Variants in MMAA observed in about 807,000 individuals in gnomAD.
The protein encoded by MMAA is metabolism of cobalamin associated A, also known as methylmalonic aciduria type A protein, mitochondrial.
In MMAA, 41 loss-of-function variants were observed where a neutral mutation model predicts 45.0. The ratio of observed to expected loss-of-function variants is 0.91; its 90% CI spans 0.71 to 1.18. The LOEUF is 1.18. Ranked by LOEUF, MMAA falls within the 50% of genes most tolerant of loss-of-function variation. The pLI, the probability that MMAA is intolerant of heterozygous loss-of-function variation, is 0.00. For synonymous variants in MMAA, 154 were observed against 178.2 expected, an observed-to-expected ratio of 0.86 and a Z score of 1.08; for missense variants, 460 against 495.7, an observed-to-expected ratio of 0.93 and a Z score of 0.68.
rs1027009305 is a variant in MMAA at position 145,657,787 on chromosome 4, T to C, written c.*2353T>C. 1 of 152,234 alleles carries C rather than the reference T, an allele frequency of 6.6e-6. No individual in the cohort carries two copies. Among genetic ancestry groups the C allele is most frequent in the Non-Finnish European group, 1.5e-5 (1 of 68,048 alleles). 9.4% of individuals were successfully genotyped at this position (152,234 alleles called of 1,614,324 possible). On this transcript the variant is annotated 3_prime_UTR_variant, in exon 7 of 7. Coordinates refer to ENST00000649156, the MANE Select transcript of MMAA (RefSeq NM_172250.3). ...CACTATTAAATGGGGATGACAATAGTGTCCACCTAGAGCAGGACTATTTTA... is the reference window on the plus strand; with the variant it reads ...CACTATTAAATGGGGATGACAATAGCGTCCACCTAGAGCAGGACTATTTTA...
At chr4:145,637,688 A>G (rs1278291587) in intron 1 of MMAA, among the ~76,000 whole-genome samples, 2 of 152,216 alleles carry the variant, frequency 1.3e-5, no homozygotes, top group African/African-American at 4.8e-5. Context: ...AAATACTCAT[A>G]AACCCAAACT....
intron 2 of MMAA, among the ~76,000 whole-genome samples, chr4:145,641,525 CTA>C (rs1460823969): frequency 6.6e-6 from 1 of 152,170 alleles, no homozygotes; most frequent in Non-Finnish European, 1.5e-5. Flanking sequence ...AGTTAAATGT[CTA>C]TGTTTTATAT....
intron 5 of MMAA, among the ~76,000 whole-genome samples, chr4:145,653,128 C>T (rs1209541991): frequency 1.3e-5 from 2 of 152,164 alleles, no homozygotes; most frequent in Admixed American, 6.5e-5. Context: ...CTGCCTTAGC[C>T]TCCTTAAGTG....
At chr4:145,650,682 G>T (rs1728065388) in intron 4 of MMAA, 1 of 263,624 alleles carries the variant, frequency 3.8e-6, no homozygotes, top group Non-Finnish European at 7.4e-6. Context: ...GCGTTTGCAG[G>T]CAAGTATGAG....
chr4:145,658,785 TA>T lies in MMAA; in HGVS notation c.*3356del, dbSNP rs577478683. ...ATCATAGAAGTCCTAATGCTACTGCTAAAAACTAGTAAACTACCAGTAAACT... is the reference window on the plus strand; with the variant it reads ...ATCATAGAAGTCCTAATGCTACTGCTAAAACTAGTAAACTACCAGTAAACT... On this transcript the variant is annotated 3_prime_UTR_variant, in exon 7 of 7. Coordinates refer to ENST00000649156, the MANE Select transcript of MMAA (RefSeq NM_172250.3). The T allele has an allele frequency of 3.0e-3, 461 of 152,064 alleles. 3 individuals carry two copies. The highest frequency in any genetic ancestry group is 0.011 in the African/African-American group (442 of 41,480). The allele number at this position is 152,064 out of a possible 1,614,324, so 9.4% of individuals were successfully genotyped here. A position where few individuals can be genotyped will look rare whatever the true frequency, so the allele number is the denominator to read the frequency against.
At chr4:145,625,078 C>A in intron 1 of MMAA, 1 of 959,414 alleles carries the variant, frequency 1.0e-6, no homozygotes, top group Admixed American at 1.8e-5. Context: ...CGGGCTTCCC[C>A]AGCTTATGGG....
At chr4:145,647,436 G>T (rs1313520254) in intron 4 of MMAA, among the ~76,000 whole-genome samples, 1 of 152,174 alleles carries the variant, frequency 6.6e-6, no homozygotes, top group Non-Finnish European at 1.5e-5. Flanking sequence ...TAAAAATTTG[G>T]TTCAGATCAA....
chr4:145,621,836 C>G (rs1239159985), intron 1 of MMAA, among the ~76,000 whole-genome samples: 3 of 152,128 alleles, frequency 2.0e-5, no homozygotes, highest in Non-Finnish European at 4.4e-5. Flanking sequence ...TATCCCAAGT[C>G]AGACTGGCTG....
At chr4:145,646,186 G>T in intron 4 of MMAA, 30 bp downstream of exon 4, 2 of 1,613,080 alleles carry the variant, frequency 1.2e-6, no homozygotes, top group Non-Finnish European at 1.7e-6. Flanking sequence ...TCATAACAAT[G>T]TACTATTTTA....
chr4:145,651,356 A>G (rs1346980123), intron 5 of MMAA, among the ~76,000 whole-genome samples: 1 of 152,222 alleles, frequency 6.6e-6, no homozygotes. Flanking sequence ...AGAATGTAAA[A>G]TTATGCAACA....
intron 2 of MMAA, among the ~76,000 whole-genome samples, chr4:145,641,420 A>C (rs1293579092): frequency 6.6e-6 from 1 of 152,200 alleles, no homozygotes; most frequent in Non-Finnish European, 1.5e-5. Flanking sequence ...TTTATTCAGC[A>C]CCTAAAAAGG....
At chr4:145,630,842 A>G (rs1248520941) in intron 1 of MMAA, among the ~76,000 whole-genome samples, 1 of 152,158 alleles carries the variant, frequency 6.6e-6, no homozygotes, top group Non-Finnish European at 1.5e-5. Context: ...AGGTTTTGGT[A>G]TGATGTGTTT....
At chr4:145,641,673 C>T (rs1727789019) in intron 2 of MMAA, among the ~76,000 whole-genome samples, 1 of 152,080 alleles carries the variant, frequency 6.6e-6, no homozygotes, top group South Asian at 2.1e-4. Context: ...TTGCAGTGGA[C>T]ACTGAGGCAT....
chr4:145,624,016 C>A (rs912551059), intron 1 of MMAA: 31 of 727,574 alleles, frequency 4.3e-5, no homozygotes, highest in Admixed American at 7.6e-5. Context: ...TGACTCACTT[C>A]ACTTTACTAG....
chr4:145,626,201 A>G (rs1022646944), intron 1 of MMAA, among the ~76,000 whole-genome samples: 5 of 152,202 alleles, frequency 3.3e-5, no homozygotes, highest in African/African-American at 1.2e-4. Context: ...GCTGAGTTAC[A>G]TGAGCAGGTA....
At chr4:145,631,807 T>C (rs1021826565) in intron 1 of MMAA, among the ~76,000 whole-genome samples, 1 of 152,178 alleles carries the variant, frequency 6.6e-6, no homozygotes, top group Non-Finnish European at 1.5e-5. Context: ...TGTTGTATGT[T>C]TTTTGGTTTG....
chr4:145,650,351 T>A (rs1247901717), intron 4 of MMAA: 1 of 152,308 alleles, frequency 6.6e-6, no homozygotes, highest in Non-Finnish European at 1.5e-5. Context: ...TAAGGCTGAG[T>A]TTGTATTTGT....
chr4:145,637,691 C>T (rs1291464563), intron 1 of MMAA, among the ~76,000 whole-genome samples: 3 of 152,132 alleles, frequency 2.0e-5, no homozygotes, highest in Non-Finnish European at 4.4e-5. Context: ...TACTCATAAA[C>T]CCAAACTGGG....
chr4:145,632,305 A>T (rs758672578), intron 1 of MMAA, among the ~76,000 whole-genome samples: 3 of 152,138 alleles, frequency 2.0e-5, no homozygotes, highest in Non-Finnish European at 4.4e-5. Context: ...TCCCTTCAGC[A>T]CTTTAAGTAG....
Sources: allele counts gnomAD v4.1 joint callset (sites outside exome capture counted in the v4.1 genomes callset), GRCh38; gene constraint gnomAD v4.1.1; transcripts MANE v1.5; gene names NCBI Gene and HGNC (gene_info 2026-07-23, HGNC 2026-07-21).